Variants in NTRK3 observed in about 807,000 individuals in gnomAD.
The protein encoded by NTRK3 is neurotrophic receptor tyrosine kinase 3.
NTRK3 carries 24 observed loss-of-function variants against 91.7 expected under a neutral mutation model. The observed-to-expected ratio is 0.26, with a 90% confidence interval of 0.19 to 0.37. The LOEUF is 0.37. Among genes scored for constraint, NTRK3 ranks in the 10% least tolerant of loss-of-function variants. The probability of loss-of-function intolerance (pLI) is 1.00; values close to 1 mark genes in which losing one functional copy is unlikely to be tolerated. For missense variants in NTRK3, 880 were observed against 1,068.9 expected (o/e 0.82, Z 2.46); for synonymous variants, 483 against 404.0 (o/e 1.20, Z -2.34).
At chr15:87,900,845 T>C (rs867795146) in intron 17 of NTRK3, among the ~76,000 whole-genome samples, 3 of 152,010 alleles carry the variant, frequency 2.0e-5, no homozygotes, top group Non-Finnish European at 4.4e-5. Flanking sequence ...ATCTGCATAA[T>C]TGGTAGGGTG....
chr15:88,247,659 C>A (rs1017685915), intron 3 of NTRK3, among the ~76,000 whole-genome samples: 1 of 152,112 alleles, frequency 6.6e-6, no homozygotes, highest in Non-Finnish European at 1.5e-5. Flanking sequence ...CTCAGAAGTG[C>A]GAGGCCAGTG....
At chr15:88,181,840 G>A (rs537337178) in intron 5 of NTRK3, among the ~76,000 whole-genome samples, 2 of 152,326 alleles carry the variant, frequency 1.3e-5, no homozygotes, top group Non-Finnish European at 2.9e-5. Flanking sequence ...GAGGGGACAC[G>A]TGACCCCACC....
rs536699045 is a variant in NTRK3, at chr15:88,217,782, G to A, written c.249-33483C>T. On this transcript the variant is annotated intron_variant, in intron 3 of 18. Transcript: ENST00000394480. ...TAGCACAATTTTTTTTTTTTGAGGC[G>A]GAGTCTCACTCTGTCGCCCAGGCTG... 2.2e-4 allele frequency among the ~76,000 whole-genome samples: 26 copies of A among 120,030 alleles called. No individual in the cohort carries two copies. The East Asian group carries it at 4.3e-3, about 20-fold the overall frequency. The allele number at this position is 120,030 out of a possible 152,430, so 78.7% of individuals were successfully genotyped here.
intron 13 of NTRK3, among the ~76,000 whole-genome samples, chr15:88,105,235 C>T (rs534419299): frequency 6.6e-6 from 1 of 152,310 alleles, no homozygotes; most frequent in South Asian, 2.1e-4. Context: ...CAATTCCAGG[C>T]ACCATCTGCA....
intron 14 of NTRK3, among the ~76,000 whole-genome samples, chr15:87,975,237 G>A (rs1021749645): frequency 6.6e-6 from 1 of 152,134 alleles, no homozygotes; most frequent in Non-Finnish European, 1.5e-5. Context: ...TCCAGGGCAT[G>A]TCCCTGGAAT....
intron 17 of NTRK3, among the ~76,000 whole-genome samples, chr15:87,913,227 G>A (rs2067223010): frequency 6.6e-6 from 1 of 152,006 alleles, no homozygotes; most frequent in Admixed American, 6.6e-5. Flanking sequence ...TCTCATTTAT[G>A]TGATGGGGAA....
At chr15:87,942,813 C>T (rs565333259) in intron 14 of NTRK3, among the ~76,000 whole-genome samples, 1 of 152,166 alleles carries the variant, frequency 6.6e-6, no homozygotes, top group African/African-American at 2.4e-5. Flanking sequence ...GTTTGTAAAC[C>T]TTTAAGTCCT....
chr15:88,118,243 C>T (rs1040393528), intron 13 of NTRK3, among the ~76,000 whole-genome samples: 2 of 152,156 alleles, frequency 1.3e-5, no homozygotes, highest in South Asian at 2.1e-4. Flanking sequence ...TGCATAAACG[C>T]GGGTCTTGGG....
intron 14 of NTRK3, among the ~76,000 whole-genome samples, chr15:88,010,313 G>A (rs900226304): frequency 4.6e-5 from 7 of 152,028 alleles, no homozygotes; most frequent in Non-Finnish European, 5.9e-5. Context: ...TCTAAAACAC[G>A]GCTCCAGTCC....
intron 3 of NTRK3, among the ~76,000 whole-genome samples, chr15:88,201,669 GTC>G (rs1315906031): frequency 5.3e-5 from 8 of 152,270 alleles, no homozygotes; most frequent in African/African-American, 1.9e-4. Flanking sequence ...AGAAGGTTGA[GTC>G]TCTGCTGTTC....
rs374377527 is a variant in NTRK3 at position 88,136,311 on chromosome 15, A to G, written c.765+156T>C. Among the ~76,000 whole-genome samples, 9 of 152,260 alleles carry G rather than the reference A, an allele frequency of 5.9e-5. No homozygotes were observed. The East Asian group carries it at 1.5e-3, about 26-fold the overall frequency. ...GTTACAGAAAAGTTGAGTAGCATGT[A>G]TAGAGCGAAATGGCTAGAAAATATT... On this transcript the variant is annotated intron_variant, in intron 8 of 18. Transcript: ENST00000394480.
At chr15:87,892,801 A>G (rs2065915607) in intron 17 of NTRK3, among the ~76,000 whole-genome samples, 1 of 152,242 alleles carries the variant, frequency 6.6e-6, no homozygotes, top group Non-Finnish European at 1.5e-5. Context: ...ATGCATAAAA[A>G]TATATAAAGA....
At chr15:87,954,224 A>G (rs2071445028) in intron 14 of NTRK3, among the ~76,000 whole-genome samples, 1 of 152,068 alleles carries the variant, frequency 6.6e-6, no homozygotes, top group Non-Finnish European at 1.5e-5. Context: ...CTCTTTGTAC[A>G]GTCCTACAAA....
chr15:88,176,407 G>T (rs1216228526), intron 5 of NTRK3, among the ~76,000 whole-genome samples: 1 of 152,122 alleles, frequency 6.6e-6, no homozygotes, highest in Admixed American at 6.6e-5. Context: ...AGTGCTAGAA[G>T]TATAGGCGTG....
At chr15:87,872,736 A>G (rs576620531) in exon 19 of NTRK3, 41 of 232,950 alleles carry the variant, frequency 1.8e-4, no homozygotes, top group African/African-American at 9.0e-4. Context: ...ATTGTCTTCT[A>G]TAATCAATCC....
chr15:87,986,849 G>A (rs1040169625), intron 14 of NTRK3, among the ~76,000 whole-genome samples: 1 of 152,244 alleles, frequency 6.6e-6, no homozygotes, highest in Non-Finnish European at 1.5e-5. Flanking sequence ...AAACCATGCA[G>A]TCTCTGCTGC....
At chr15:88,190,271 C>T (rs1244534539) in intron 3 of NTRK3, among the ~76,000 whole-genome samples, 1 of 152,182 alleles carries the variant, frequency 6.6e-6, no homozygotes, top group Non-Finnish European at 1.5e-5. Flanking sequence ...AATTTAAATG[C>T]AAAACCCTTT....
rs1231351675 is a variant in NTRK3 at position 88,233,333 on chromosome 15, C to T, written c.248+22573G>A. 6.6e-6 allele frequency among the ~76,000 whole-genome samples: 1 copy of T among 152,160 alleles called. No individual in the cohort carries two copies. Among genetic ancestry groups the T allele is most frequent in the African/African-American group, 2.4e-5 (1 of 41,422 alleles). ...ACACCTCTGGCTTCACACAGTTCCA[C>T]CTGCAGTGGTGGCTGGGGGTCTTAT... On this transcript the variant is annotated intron_variant, in intron 3 of 18. Transcript: ENST00000394480. This position sits in a 1 kb window ranked among gnomAD's most constrained non-coding sequence, Gnocchi z 4.2.
At chr15:88,182,168 G>T (rs937703763) in intron 5 of NTRK3, among the ~76,000 whole-genome samples, 2 of 152,154 alleles carry the variant, frequency 1.3e-5, no homozygotes, top group Non-Finnish European at 2.9e-5. Flanking sequence ...TGACCACAGA[G>T]CCTGTTCTTT....
Sources: gnomAD v4.1 joint callset for allele counts (sites outside exome capture counted in the v4.1 genomes callset) on GRCh38, gnomAD v4.1.1 for gene constraint, Gnocchi (gnomAD v3.1) non-coding constraint, MANE v1.5 for transcripts, NCBI Gene and HGNC (gene_info 2026-07-23, HGNC 2026-07-21) for gene names.